The following CNTN4 variants were observed in gnomAD, a reference collection of about 807,000 sequenced individuals.
CNTN4 encodes contactin 4, also known as contactin-4.
In CNTN4, 77 loss-of-function variants were observed where a neutral mutation model predicts 122.5. The ratio of observed to expected loss-of-function variants is 0.63; its 90% CI spans 0.52 to 0.76. The LOEUF (loss-of-function observed/expected upper bound fraction) is 0.76, where lower values mean the gene tolerates loss of function less well. CNTN4 is among the 30% of genes least tolerant of loss of function. CNTN4 has a pLI of 0.00. For missense variants in CNTN4, 1,256 were observed against 1,259.1 expected (o/e 1.00, Z 0.04); for synonymous variants, 512 against 447.0 (o/e 1.15, Z -1.83).
chr3:2,918,496 C>T (rs962418270), intron 12 of CNTN4, among the ~76,000 whole-genome samples: 4 of 152,114 alleles, frequency 2.6e-5, no homozygotes, highest in Non-Finnish European at 5.9e-5. Flanking sequence ...TAGGGAAAGG[C>T]GGTTAGCTGC....
chr3:2,224,508 T>C (rs1428764977), intron 2 of CNTN4, among the ~76,000 whole-genome samples: 1 of 148,614 alleles, frequency 6.7e-6, no homozygotes, highest in East Asian at 1.9e-4. Context: ...TTTCCCCTTA[T>C]TATTCAACTG....
At chr3:2,754,054 G>C (rs2090219771) in intron 6 of CNTN4, among the ~76,000 whole-genome samples, 1 of 152,134 alleles carries the variant, frequency 6.6e-6, no homozygotes, top group East Asian at 1.9e-4. Flanking sequence ...TTGGTAAACT[G>C]TTTATCCCCA....
chr3:2,757,793 T>C lies in CNTN4; in HGVS notation c.358+12096T>C, dbSNP rs77411180. Among the ~76,000 whole-genome samples, 1,132 of 152,324 alleles carry C rather than the reference T, an allele frequency of 7.4e-3. 20 individuals are homozygous for C. The highest frequency in any genetic ancestry group is 0.026 in the African/African-American group (1,087 of 41,572). On this transcript the variant is annotated intron_variant, in intron 6 of 24. Transcript: ENST00000418658. Reference sequence around the variant, plus strand: ...CAAATTCAAGGGCATCATGAAAAGATGTGTGTGTTTCCCAAGAACTAAATT... The same window carrying C: ...CAAATTCAAGGGCATCATGAAAAGACGTGTGTGTTTCCCAAGAACTAAATT...
rs375540273 is a variant in CNTN4, at chr3:2,460,010, G to C, written c.-88-111406G>C. Among the ~76,000 whole-genome samples, 5 of 151,952 alleles carry C rather than the reference G, an allele frequency of 3.3e-5. No homozygotes were observed. The South Asian group carries it at 1.0e-3, about 32-fold the overall frequency. On this transcript the variant is annotated intron_variant, in intron 3 of 24. Transcript: ENST00000418658. Reference sequence around the variant, plus strand: ...GCGCATGAGAGAGCTATTGCTGCTGGGTCAGAGTTGTTACATGAGTTGCAT... The same window carrying C: ...GCGCATGAGAGAGCTATTGCTGCTGCGTCAGAGTTGTTACATGAGTTGCAT...
intron 3 of CNTN4, among the ~76,000 whole-genome samples, chr3:2,488,202 C>A (rs1174731216): frequency 2.0e-5 from 3 of 152,198 alleles, no homozygotes; most frequent in African/African-American, 7.2e-5. Context: ...TGACAATTAG[C>A]AATCAAAGTT....
rs539058346 is a variant in CNTN4, at chr3:2,661,421, C to T, written c.56-74794C>T. Among the ~76,000 whole-genome samples, 3 of 151,984 alleles carry T rather than the reference C, an allele frequency of 2.0e-5. No homozygotes were observed. The South Asian group carries it at 6.2e-4, about 32-fold the overall frequency. On this transcript the variant is annotated intron_variant, in intron 4 of 24. Transcript: ENST00000418658. ...TTGCAATGTTTATATTAGTCAAGAT[C>T]AGCTTTTTCCAAAACATGCTCGATG... is the stretch of plus-strand genomic sequence containing the variant.
chr3:2,587,548 C>T (rs1398693468), intron 4 of CNTN4, among the ~76,000 whole-genome samples: 1 of 152,166 alleles, frequency 6.6e-6, no homozygotes, highest in Non-Finnish European at 1.5e-5. Context: ...GTGATATTTA[C>T]ATGAAAACTT....
chr3:2,927,005 A>G (rs1577301324), intron 13 of CNTN4, among the ~76,000 whole-genome samples: 1 of 152,200 alleles, frequency 6.6e-6, no homozygotes, highest in East Asian at 1.9e-4. Context: ...GTTTCTTAAA[A>G]TGTGGCACGT....
intron 3 of CNTN4, among the ~76,000 whole-genome samples, chr3:2,394,735 G>C (rs2046574439): frequency 6.6e-6 from 1 of 150,666 alleles, no homozygotes; most frequent in African/African-American, 2.4e-5. Flanking sequence ...GTACACAAAG[G>C]AGTTTTTCCA....
In CNTN4 at chr3:2,821,482, C is replaced by T. The variant is rs576666093; in HGVS notation, c.454+1901C>T. ...GTCCATTTCAATTTACCTTTATTAT[C>T]GTAAGTTTTCTTTGCCTGAGGACTT... On this transcript the variant is annotated intron_variant, in intron 7 of 24. Transcript: ENST00000418658. Among the ~76,000 whole-genome samples the T allele has an allele frequency of 1.1e-4, 16 of 152,304 alleles. No individual in the cohort carries two copies. In the South Asian group the frequency reaches 2.5e-3, roughly 24 times the overall value.
intron 2 of CNTN4, among the ~76,000 whole-genome samples, chr3:2,196,395 C>T (rs2149363927): frequency 6.6e-6 from 1 of 152,288 alleles, no homozygotes; most frequent in South Asian, 2.1e-4. Flanking sequence ...AATCTGAGAA[C>T]ATATTTGTTC....
intron 2 of CNTN4, among the ~76,000 whole-genome samples, chr3:2,305,838 G>A (rs1626056): frequency 0.24 from 36,632 of 151,946 alleles, 4,651 homozygotes; most frequent in East Asian, 0.48. Flanking sequence ...CAATCTGCCT[G>A]TATAGATTTG....
intron 2 of CNTN4, among the ~76,000 whole-genome samples, chr3:2,290,246 G>T (rs2042083046): frequency 6.6e-6 from 1 of 152,184 alleles, no homozygotes; most frequent in Non-Finnish European, 1.5e-5. Flanking sequence ...ACATTTCAAA[G>T]AGAGCTTCCG....
chr3:2,448,748 T>C (rs13076605), intron 3 of CNTN4, among the ~76,000 whole-genome samples: 1 of 152,210 alleles, frequency 6.6e-6, no homozygotes, highest in South Asian at 2.1e-4. Flanking sequence ...TGTTACTTCC[T>C]CTGTTAACTC....
chr3:2,219,815 A>C (rs972211298), intron 2 of CNTN4, among the ~76,000 whole-genome samples: 2 of 152,036 alleles, frequency 1.3e-5, no homozygotes, highest in Non-Finnish European at 2.9e-5. Flanking sequence ...TTCCCAGCAA[A>C]AGATGGCATT....
At chr3:2,109,741 C>T (rs1343576698) in intron 2 of CNTN4, among the ~76,000 whole-genome samples, 1 of 152,178 alleles carries the variant, frequency 6.6e-6, no homozygotes, top group Non-Finnish European at 1.5e-5. Context: ...TATGATGGGT[C>T]TTCAACTATT....
intron 3 of CNTN4, among the ~76,000 whole-genome samples, chr3:2,441,107 T>A (rs185440682): frequency 7.2e-5 from 11 of 152,006 alleles, no homozygotes; most frequent in African/African-American, 2.4e-4. Flanking sequence ...CTACTGTACA[T>A]TTTGGGCACC....
intron 3 of CNTN4, among the ~76,000 whole-genome samples, chr3:2,525,722 A>G (rs748182545): frequency 6.6e-6 from 1 of 152,214 alleles, no homozygotes; most frequent in African/African-American, 2.4e-5. Context: ...CACAATCAGT[A>G]TCAAATTCTG....
intron 3 of CNTN4, among the ~76,000 whole-genome samples, chr3:2,516,537 G>A (rs1206266078): frequency 1.3e-5 from 2 of 151,990 alleles, no homozygotes; most frequent in African/African-American, 2.4e-5. Context: ...TGGCTTATCC[G>A]ACTGTTTTAT....
Sources: allele counts gnomAD v4.1 joint callset (sites outside exome capture counted in the v4.1 genomes callset), GRCh38; gene constraint gnomAD v4.1.1; transcripts MANE v1.5; gene names NCBI Gene and HGNC (gene_info 2026-07-23, HGNC 2026-07-21).